The following TUSC3 variants were observed in gnomAD, a reference collection of about 807,000 sequenced individuals.
The protein encoded by TUSC3 is tumor suppressor candidate 3.
TUSC3 carries 45 observed loss-of-function variants against 44.8 expected under a neutral mutation model. The ratio of observed to expected loss-of-function variants is 1.00; its 90% CI spans 0.79 to 1.29. The LOEUF (loss-of-function observed/expected upper bound fraction) is 1.29. Among genes scored for constraint, TUSC3 ranks in the 50% most tolerant of loss-of-function variants. The pLI, the probability that TUSC3 is intolerant of heterozygous loss-of-function variation, is 0.00. For missense variants in TUSC3, 519 were observed against 437.9 expected, an observed-to-expected ratio of 1.19 and a Z score of -1.65; for synonymous variants, 212 against 152.9, an observed-to-expected ratio of 1.39 and a Z score of -2.85.
chr8:15,525,288 C>G (rs1020346167), intron 2 of TUSC3, among the ~76,000 whole-genome samples: 8 of 152,096 alleles, frequency 5.3e-5, no homozygotes, highest in South Asian at 4.1e-4. Flanking sequence ...CTAGTGCCAT[C>G]TTTCTGGTTT....
At chr8:15,436,205 G>A (rs1799943442) in intron 1 of TUSC3, among the ~76,000 whole-genome samples, 1 of 152,128 alleles carries the variant, frequency 6.6e-6, no homozygotes, top group South Asian at 2.1e-4. Flanking sequence ...CAGAAGCCAC[G>A]TTGCCTAAGA....
chr8:15,754,013 A>G (rs1362018908), intron 9 of TUSC3, among the ~76,000 whole-genome samples: 1 of 152,084 alleles, frequency 6.6e-6, no homozygotes, highest in Non-Finnish European at 1.5e-5. Context: ...CCTGTGGTGA[A>G]CATAGCACCA....
intron 6 of TUSC3, among the ~76,000 whole-genome samples, chr8:15,720,207 C>T (rs948144162): frequency 2.0e-5 from 3 of 146,708 alleles, no homozygotes; most frequent in African/African-American, 7.9e-5. Flanking sequence ...TATATACACA[C>T]ACACACACAC....
At chr8:15,826,074 G>A in the TUSC3 span, among the ~76,000 whole-genome samples, 1 of 151,958 alleles carries the variant, frequency 6.6e-6, no homozygotes. Flanking sequence ...TCTAGGGTGA[G>A]GTATGTTGTG....
the TUSC3 span, among the ~76,000 whole-genome samples, chr8:15,774,903 G>T: frequency 1.3e-5 from 2 of 152,002 alleles, no homozygotes; most frequent in Admixed American, 6.6e-5. Flanking sequence ...GGCCACTTTG[G>T]AAACAAATTA....
At chr8:15,525,314 CAA>C (rs138877206) in intron 2 of TUSC3, among the ~76,000 whole-genome samples, 2,429 of 152,266 alleles carry the variant, frequency 0.016, 55 homozygotes, top group African/African-American at 0.054. Flanking sequence ...CTCTCTGAGA[CAA>C]AGTTTCTTTT....
chr8:15,601,447 C>G (rs1432854557), intron 1 of TUSC3, among the ~76,000 whole-genome samples: 1 of 151,614 alleles, frequency 6.6e-6, no homozygotes, highest in Non-Finnish European at 1.5e-5. Flanking sequence ...TAGTGACTCC[C>G]TTCTAGTGGC....
At chr8:15,421,906 A>G (rs1247438846) in intron 1 of TUSC3, among the ~76,000 whole-genome samples, 1 of 152,170 alleles carries the variant, frequency 6.6e-6, no homozygotes, top group Non-Finnish European at 1.5e-5. Flanking sequence ...TGTTGAATGC[A>G]TCTTGAATTC....
intron 2 of TUSC3, among the ~76,000 whole-genome samples, chr8:15,624,318 T>C (rs1345396029): frequency 6.6e-6 from 1 of 152,200 alleles, no homozygotes; most frequent in African/African-American, 2.4e-5. Flanking sequence ...TTACCGTTTT[T>C]CTGGGAAGAA....
At chr8:15,805,017 G>T in the TUSC3 span, among the ~76,000 whole-genome samples, 1 of 151,982 alleles carries the variant, frequency 6.6e-6, no homozygotes, top group Non-Finnish European at 1.5e-5. Context: ...ACAGTGTTTT[G>T]TAGTTGTTCT....
chr8:15,765,449 A>G lies in TUSC3; in HGVS notation c.*1293A>G, dbSNP rs889580131. The G allele has an allele frequency of 6.6e-6, 1 of 152,008 alleles. No individual in the cohort carries two copies. The highest frequency in any genetic ancestry group is 1.5e-5 in the Non-Finnish European group (1 of 67,920). 9.4% of individuals were successfully genotyped at this position (152,008 alleles called of 1,614,324 possible). A position where few individuals can be genotyped will look rare whatever the true frequency, so the allele number is the denominator to read the frequency against. The stretch of plus-strand genomic sequence containing the variant: ...TGTTTTCATTGGGAGTTCCAGCTAT[A>G]TAGCCTCAAACAAGAAACGGGTGTA... On this transcript the variant is annotated 3_prime_UTR_variant, in exon 11 of 11. Transcript: ENST00000503731.
chr8:15,585,496 T>C (rs543055342), intron 1 of TUSC3, among the ~76,000 whole-genome samples: 15 of 151,946 alleles, frequency 9.9e-5, no homozygotes, highest in African/African-American at 3.6e-4. Flanking sequence ...TGGGAGAGGG[T>C]TGTGTTTTTT....
chr8:15,844,030 T>C, the TUSC3 span, among the ~76,000 whole-genome samples: 27 of 152,296 alleles, frequency 1.8e-4, no homozygotes, highest in African/African-American at 6.5e-4. Context: ...TCCTAATCAA[T>C]TTCAGCGAAT....
At chr8:15,748,715 G>A (rs1193266598) in intron 9 of TUSC3, 9 of 627,964 alleles carry the variant, frequency 1.4e-5, no homozygotes, top group South Asian at 1.1e-4. Context: ...TAACAAATGA[G>A]GTTTAAGCTC....
chr8:15,768,048 C>G (rs1272219420), downstream of TUSC3, among the ~76,000 whole-genome samples: 1 of 152,076 alleles, frequency 6.6e-6, no homozygotes, highest in Non-Finnish European at 1.5e-5. Context: ...ACACCCAGAC[C>G]AAACAGGAAG....
At chr8:15,844,070 CT>C in the TUSC3 span, among the ~76,000 whole-genome samples, 1 of 152,136 alleles carries the variant, frequency 6.6e-6, no homozygotes, top group Non-Finnish European at 1.5e-5. Context: ...TCAATCTCTT[CT>C]ACCTCTGAAG....
At chr8:15,524,260 C>G (rs764228771) in intron 2 of TUSC3, among the ~76,000 whole-genome samples, 1 of 151,818 alleles carries the variant, frequency 6.6e-6, no homozygotes, top group Non-Finnish European at 1.5e-5. Flanking sequence ...AATAATAAGC[C>G]TATTTATATA....
At chr8:15,841,725 G>T in the TUSC3 span, among the ~76,000 whole-genome samples, 8 of 152,176 alleles carry the variant, frequency 5.3e-5, no homozygotes. Context: ...TGTTGGCAAG[G>T]CTGGTCTTGA....
At chr8:15,692,371 C>CCCCCCCCCTTTT (rs1563175839) in intron 6 of TUSC3, among the ~76,000 whole-genome samples, 1 of 18,822 alleles carries the variant, frequency 5.3e-5, no homozygotes, top group African/African-American at 1.8e-4. Flanking sequence ...CCCCCCCCCC[C>CCCCCCCCCTTTT]TTTGTTTTTT....
Sources: gnomAD v4.1 joint callset for allele counts (sites outside exome capture counted in the v4.1 genomes callset) on GRCh38, gnomAD v4.1.1 for gene constraint, MANE v1.5 for transcripts, NCBI Gene and HGNC (gene_info 2026-07-23, HGNC 2026-07-21) for gene names.